MCFD2: variants seen among roughly 807,000 people sequenced by gnomAD.
MCFD2 encodes multiple coagulation factor deficiency 2, ER cargo receptor complex subunit.
MCFD2 carries 11 observed loss-of-function variants against 12.8 expected under a neutral mutation model. That is an observed-to-expected ratio of 0.86 (90% CI 0.54 to 1.42). MCFD2 has a LOEUF of 1.42. Among genes scored for constraint, MCFD2 ranks in the 40% most tolerant of loss-of-function variants. The probability of loss-of-function intolerance (pLI) is 0.00; values close to 1 mark genes in which losing one functional copy is unlikely to be tolerated. For synonymous variants in MCFD2, 70 were observed against 68.1 expected (o/e 1.03, Z -0.14); for missense variants, 191 against 178.6 (o/e 1.07, Z -0.40).
intron 1 of MCFD2, among the ~76,000 whole-genome samples, chr2:46,938,297 A>G (rs149627251): frequency 1.3e-5 from 2 of 152,252 alleles, no homozygotes; most frequent in Admixed American, 1.3e-4. Flanking sequence ...TGATGGATAT[A>G]GGAACAAAAT....
chr2:46,930,107 T>G (rs1368678453), intron 1 of MCFD2, among the ~76,000 whole-genome samples: 1 of 152,302 alleles, frequency 6.6e-6, no homozygotes, highest in East Asian at 1.9e-4. Flanking sequence ...CTTTCCCTAC[T>G]GTTATTTAAG....
chr2:46,912,978 T>A (rs979787483), intron 1 of MCFD2, among the ~76,000 whole-genome samples: 1 of 152,034 alleles, frequency 6.6e-6, no homozygotes, highest in African/African-American at 2.4e-5. Flanking sequence ...TCCAACTATG[T>A]GATTGGATGC....
intron 1 of MCFD2, among the ~76,000 whole-genome samples, chr2:46,929,033 G>A (rs1380248485): frequency 6.6e-6 from 1 of 151,798 alleles, no homozygotes; most frequent in Admixed American, 6.6e-5. Flanking sequence ...TGTGGTGGTG[G>A]GTGCCTGTAA....
At chr2:46,906,577 C>G (rs776049276) in intron 3 of MCFD2, among the ~76,000 whole-genome samples, 2 of 150,434 alleles carry the variant, frequency 1.3e-5, no homozygotes, top group Non-Finnish European at 3.0e-5. Flanking sequence ...CCTCGACCTC[C>G]CAGGCTCAGG....
At chr2:46,913,965 T>G (rs1199169236) in intron 1 of MCFD2, 1 of 152,384 alleles carries the variant, frequency 6.6e-6, no homozygotes, top group East Asian at 1.9e-4. Flanking sequence ...CCTCTCACAC[T>G]CATTTGACCT....
At chr2:46,917,212 C>T, upstream of MCFD2, 2 of 701,690 alleles carry the variant, frequency 2.9e-6, no homozygotes, top group Non-Finnish European at 5.2e-6. Context: ...CCCAGCTCGT[C>T]TCGAACTCCT....
chr2:46,926,793 A>G (rs1197904777), intron 1 of MCFD2, among the ~76,000 whole-genome samples: 1 of 152,242 alleles, frequency 6.6e-6, no homozygotes, highest in African/African-American at 2.4e-5. Context: ...AGAGCAATCA[A>G]CGGACCTCCA....
chr2:46,908,398 C>T lies in MCFD2; in HGVS notation c.150-429G>A. ...ACTTCAGCCCCCCAAGTAGCTGGGACCATAGGCATGTACTGCCACATCCAG... is the reference window on the plus strand; with the variant it reads ...ACTTCAGCCCCCCAAGTAGCTGGGATCATAGGCATGTACTGCCACATCCAG... On this transcript the variant is annotated intron_variant, in intron 2 of 3. Coordinates refer to ENST00000319466, the MANE Select transcript of MCFD2 (RefSeq NM_139279.6). The surrounding 1 kb of genome is among the most constrained non-coding windows in gnomAD (Gnocchi z 4.5). The T allele has an allele frequency of 3.3e-6, 1 of 303,090 alleles. No individual in the cohort carries two copies. The highest frequency in any genetic ancestry group is 3.0e-5 in the South Asian group (1 of 33,064). The allele number at this position is 303,090 out of a possible 1,614,324, so 18.8% of individuals were successfully genotyped here. A position where few individuals can be genotyped will look rare whatever the true frequency, so the allele number is the denominator to read the frequency against.
chr2:46,905,501 A>T lies in MCFD2; in HGVS notation c.403T>A (p.Tyr135Asn), dbSNP rs748641905. ...LRDDDKNNDG[Y>N]IDYAEFAKSL... ...TTTGCAAATTCAGCATAGTCAATGTATCCATCATTGTTCTTGTCATCATCT... is the reference window on the plus strand; with the variant it reads ...TTTGCAAATTCAGCATAGTCAATGTTTCCATCATTGTTCTTGTCATCATCT... The change falls in exon 4 of 4, where the codon TAC becomes AAC. Residue 135 changes from tyrosine (Y) to asparagine (N), a missense_variant. Tyr to Asn is a moderately radical substitution (Grantham distance 143, BLOSUM62 -2). Coordinates refer to ENST00000319466, the MANE Select transcript of MCFD2 (RefSeq NM_139279.6). 1 of 1,613,226 alleles carries T rather than the reference A, an allele frequency of 6.2e-7. No individual in the cohort carries two copies. Among genetic ancestry groups the T allele is most frequent in the Non-Finnish European group, 8.5e-7 (1 of 1,179,860 alleles).
chr2:46,907,498 C>T lies in MCFD2; in HGVS notation c.309+312G>A. 1 of 385,546 alleles carries T rather than the reference C, an allele frequency of 2.6e-6. No individual in the cohort carries two copies. The highest frequency in any genetic ancestry group is 2.2e-5 in the South Asian group (1 of 45,864). 23.9% of individuals were successfully genotyped at this position (385,546 alleles called of 1,614,324 possible). A position where few individuals can be genotyped will look rare whatever the true frequency, so the allele number is the denominator to read the frequency against. On this transcript the variant is annotated intron_variant, in intron 3 of 3. Transcript: ENST00000319466. This position sits in a 1 kb window ranked among gnomAD's most constrained non-coding sequence, Gnocchi z 4.1. ...ATCCTGGACTCAAGCAATCCTCCCA[C>T]CTTAGCCTCCTGAGTACGTAGAACT...
At chr2:46,915,927 C>A, upstream of MCFD2, 1 of 985,274 alleles carries the variant, frequency 1.0e-6, no homozygotes, top group Non-Finnish European at 1.2e-6. Context: ...TCGCGTGAGT[C>A]CACGTGTAAT....
intron 3 of MCFD2, 180 bp from the exon 4 acceptor site, chr2:46,905,774 T>C: frequency 1.5e-6 from 1 of 651,824 alleles, no homozygotes; most frequent in East Asian, 2.8e-5. Flanking sequence ...TTCAATGGAG[T>C]ATGGGGCTAC....
chr2:46,904,446 T>C lies in MCFD2; in HGVS notation c.*1017A>G, dbSNP rs1668136226. On this transcript the variant is annotated 3_prime_UTR_variant, in exon 4 of 4. Coordinates refer to ENST00000319466, the MANE Select transcript of MCFD2 (RefSeq NM_139279.6). ...GTGAAAGCAGCCAGGAGGGAGGCTG[T>C]ACCCTACAAAGCCACAGGGGCAGAG... is the stretch of plus-strand genomic sequence containing the variant. 1 of 152,604 alleles carries C rather than the reference T, an allele frequency of 6.6e-6. No homozygotes were observed. The highest frequency in any genetic ancestry group is 1.5e-5 in the Non-Finnish European group (1 of 68,356). 9.5% of individuals were successfully genotyped at this position (152,604 alleles called of 1,614,324 possible). A position where few individuals can be genotyped will look rare whatever the true frequency, so the allele number is the denominator to read the frequency against.
intron 1 of MCFD2, among the ~76,000 whole-genome samples, chr2:46,922,320 C>T (rs1043814928): frequency 2.0e-5 from 3 of 152,066 alleles, no homozygotes; most frequent in African/African-American, 7.2e-5. Context: ...TTTTTGATGA[C>T]GAGTTCATTT....
upstream of MCFD2, among the ~76,000 whole-genome samples, chr2:46,920,732 C>A (rs1669061337): frequency 2.0e-5 from 3 of 151,816 alleles, no homozygotes; most frequent in African/African-American, 2.4e-5. Context: ...CCTGAACTTG[C>A]CTATCTACTT....
In MCFD2 at chr2:46,908,287, G is replaced by C. The variant is rs1225136706; in HGVS notation, c.150-318C>G. The C allele has an allele frequency of 3.0e-5, 11 of 368,938 alleles. No individual in the cohort carries two copies. Among genetic ancestry groups the C allele is most frequent in the South Asian group, 2.4e-4 (11 of 44,974 alleles). The allele number at this position is 368,938 out of a possible 1,614,324, so 22.9% of individuals were successfully genotyped here. A position where few individuals can be genotyped will look rare whatever the true frequency, so the allele number is the denominator to read the frequency against. On this transcript the variant is annotated intron_variant, in intron 2 of 3. Transcript: ENST00000319466. The surrounding 1 kb of genome is among the most constrained non-coding windows in gnomAD (Gnocchi z 4.5). The stretch of plus-strand genomic sequence containing the variant: ...AACTTTTTTTTTTTTTTGAGACAGG[G>C]TCTCACTCTGCCACCCAGGCTGGAG...
intron 1 of MCFD2, among the ~76,000 whole-genome samples, chr2:46,931,460 T>C (rs1381652511): frequency 2.6e-5 from 4 of 152,142 alleles, no homozygotes; most frequent in South Asian, 2.1e-4. Flanking sequence ...GGAGATTATC[T>C]TGGATGATCT....
chr2:46,940,173 T>G lies in MCFD2; in HGVS notation c.-8+1399A>C, dbSNP rs1245334616. Among the ~76,000 whole-genome samples, 7 of 151,906 alleles carry G rather than the reference T, an allele frequency of 4.6e-5. No homozygotes were observed. Among genetic ancestry groups the G allele is most frequent in the African/African-American group, 1.7e-4 (7 of 41,324 alleles). ...TTCTGCTTGACATAAAAACCTTCCC[T>G]CGGTTACAGTTGTCCAAAAACACTT... is the stretch of plus-strand genomic sequence containing the variant. On this transcript the variant is annotated intron_variant, in intron 1 of 2. Coordinates refer to the MCFD2 transcript ENST00000409147. The surrounding 1 kb of genome is among the most constrained non-coding windows in gnomAD (Gnocchi z 4.7).
At chr2:46,912,271 A>AT (rs1668518986) in intron 1 of MCFD2, among the ~76,000 whole-genome samples, 1 of 152,232 alleles carries the variant, frequency 6.6e-6, no homozygotes. Flanking sequence ...CCCGGGAGGC[A>AT]GAGATTGCAG....
Sources: allele counts gnomAD v4.1 joint callset (sites outside exome capture counted in the v4.1 genomes callset), GRCh38; gene constraint gnomAD v4.1.1; non-coding constraint Gnocchi (gnomAD v3.1); transcripts MANE v1.5; gene names NCBI Gene and HGNC (gene_info 2026-07-23, HGNC 2026-07-21).